The following EIF4ENIF1 variants were observed in gnomAD, a reference collection of about 807,000 sequenced individuals.
EIF4ENIF1 encodes eukaryotic translation initiation factor 4E nuclear import factor 1, also known as eukaryotic translation initiation factor 4E transporter.
In EIF4ENIF1, 23 loss-of-function variants were observed where a neutral mutation model predicts 110.5. That is an observed-to-expected ratio of 0.21 (90% CI 0.15 to 0.29). EIF4ENIF1 has a LOEUF of 0.29. Among genes scored for constraint, EIF4ENIF1 ranks in the 10% least tolerant of loss-of-function variants. The probability of loss-of-function intolerance (pLI) is 1.00; values close to 1 mark genes in which losing one functional copy is unlikely to be tolerated. For synonymous variants in EIF4ENIF1, 440 were observed against 437.0 expected, an observed-to-expected ratio of 1.01 and a Z score of -0.09; for missense variants, 1,031 against 1,221.1, an observed-to-expected ratio of 0.84 and a Z score of 2.32.
chr22:31,469,247 C>G (rs1365324155), intron 3 of EIF4ENIF1, among the ~76,000 whole-genome samples: 1 of 152,220 alleles, frequency 6.6e-6, no homozygotes, highest in Non-Finnish European at 1.5e-5. Context: ...TGAGCTGCAT[C>G]TTCTGCAGAA....
At chr22:31,471,401 G>A (rs140986076) in intron 3 of EIF4ENIF1, among the ~76,000 whole-genome samples, 5 of 151,116 alleles carry the variant, frequency 3.3e-5, no homozygotes, top group African/African-American at 7.3e-5. Context: ...TGCAGGCTCC[G>A]CCTCCCGAGT....
chr22:31,474,658 T>G (rs1315574621), intron 2 of EIF4ENIF1, among the ~76,000 whole-genome samples: 1 of 152,084 alleles, frequency 6.6e-6, no homozygotes, highest in East Asian at 1.9e-4. Context: ...TGAAGGCCCT[T>G]TCAGTAGAGT....
chr22:31,490,374 T>C (rs1200228910), upstream of EIF4ENIF1, among the ~76,000 whole-genome samples: 2 of 152,244 alleles, frequency 1.3e-5, no homozygotes, highest in African/African-American at 4.8e-5. Flanking sequence ...GAACCTCAGC[T>C]GTTTTGCGAG....
chr22:31,456,288 A>G (rs1479810736), intron 7 of EIF4ENIF1, among the ~76,000 whole-genome samples: 3 of 147,600 alleles, frequency 2.0e-5, no homozygotes, highest in Middle Eastern at 3.5e-3. Flanking sequence ...CAGTGGCACG[A>G]TCTCGGCTCA....
At chr22:31,456,534 T>A (rs1601592212) in intron 7 of EIF4ENIF1, among the ~76,000 whole-genome samples, 1 of 150,134 alleles carries the variant, frequency 6.7e-6, no homozygotes. Flanking sequence ...ACTATTTTTT[T>A]AAGACAGTCT....
At chr22:31,455,764 A>G (rs1461620657) in intron 8 of EIF4ENIF1, 88 bp downstream of exon 8, 2 of 1,550,294 alleles carry the variant, frequency 1.3e-6, no homozygotes, top group Non-Finnish European at 1.8e-6. Flanking sequence ...TTTGACCCTA[A>G]TTGACTCCTG....
intron 16 of EIF4ENIF1, 22 bp downstream of exon 16, chr22:31,442,940 G>T: frequency 6.2e-7 from 1 of 1,613,010 alleles, no homozygotes; most frequent in Non-Finnish European, 8.5e-7. Flanking sequence ...CTTGAGCAGT[G>T]CCCTTAACAG....
At chr22:31,469,011 C>A (rs2051280389) in intron 3 of EIF4ENIF1, among the ~76,000 whole-genome samples, 1 of 152,186 alleles carries the variant, frequency 6.6e-6, no homozygotes, top group Non-Finnish European at 1.5e-5. Context: ...GCACCTGGAT[C>A]ATTTGATGTG....
intron 11 of EIF4ENIF1, 142 bp downstream of exon 11, chr22:31,450,147 T>G (rs2050600785): frequency 1.5e-6 from 1 of 689,008 alleles, no homozygotes; most frequent in African/African-American, 1.8e-5. Context: ...AACACCAAAC[T>G]ATGTCAGGCA....
Position 31,445,054 on chromosome 22 carries a change from T to C in EIF4ENIF1, c.1989-364A>G, listed in dbSNP as rs117747631. On this transcript the variant is annotated intron_variant, in intron 14 of 18. Transcript: ENST00000330125. ...TTCCTGGGGAAGAAGCTGCATTCCA[T>C]TGGGTGCGATCAAGAAGAAGCTAGA... is the stretch of plus-strand genomic sequence containing the variant. Among the ~76,000 whole-genome samples the C allele has an allele frequency of 6.1e-3, 934 of 152,256 alleles. 30 individuals carry two copies. In the East Asian group the frequency reaches 0.099, roughly 16 times the overall value.
upstream of EIF4ENIF1, among the ~76,000 whole-genome samples, chr22:31,492,395 A>T (rs1425662847): frequency 6.6e-6 from 1 of 152,222 alleles, no homozygotes. Context: ...CAAGCCATAC[A>T]TGATATCAGT....
chr22:31,476,846 A>G (rs1242173599), intron 2 of EIF4ENIF1, among the ~76,000 whole-genome samples: 1 of 150,892 alleles, frequency 6.6e-6, no homozygotes, highest in African/African-American at 2.4e-5. Context: ...AAACAAACAA[A>G]AAAATTAGCC....
intron 2 of EIF4ENIF1, among the ~76,000 whole-genome samples, chr22:31,485,269 C>T (rs1159334620): frequency 1.3e-5 from 2 of 152,166 alleles, no homozygotes; most frequent in African/African-American, 4.8e-5. Flanking sequence ...ACCAGTTCTT[C>T]AAGGCACATT....
At position 31,439,627 on chromosome 22, in the gene EIF4ENIF1, ATATC is replaced by A; in HGVS notation, c.*249_*252del. ...GTGAGGACACCAACACTTCATTCAC[ATATC>A]TTACAAAAAAGAAAGACCATTTCCA... On this transcript the variant is annotated 3_prime_UTR_variant, in exon 19 of 19. Transcript: ENST00000330125. 1.9e-6 allele frequency: 1 copy of A among 526,216 alleles called. No homozygotes were observed. The allele number at this position is 526,216 out of a possible 1,614,324, so 32.6% of individuals were successfully genotyped here.
At position 31,444,702 on chromosome 22, in the gene EIF4ENIF1, C is replaced by T. The variant is rs746953364; in HGVS notation, c.1989-12G>A. On this transcript the variant is annotated splice_polypyrimidine_tract_variant and intron_variant, in intron 14 of 18. Transcript: ENST00000330125. ...TCACTCGCTGTTGCCTGTGAACAAA[C>T]CAATTATCAGCATGAACCCCAATCT... 3.1e-6 allele frequency: 5 copies of T among 1,613,562 alleles called. No homozygotes were observed. The highest frequency in any genetic ancestry group is 2.7e-5 in the African/African-American group (2 of 74,876).
At chr22:31,456,448 C>A (rs556512766) in intron 7 of EIF4ENIF1, among the ~76,000 whole-genome samples, 3 of 152,104 alleles carry the variant, frequency 2.0e-5, no homozygotes, top group Non-Finnish European at 4.4e-5. Context: ...TGGTCTCGAT[C>A]TCCTGACCTT....
intron 4 of EIF4ENIF1, 62 bp downstream of exon 4, chr22:31,468,113 C>T: frequency 6.3e-7 from 1 of 1,579,016 alleles, no homozygotes; most frequent in Non-Finnish European, 8.6e-7. Flanking sequence ...AAGAATGAAA[C>T]CAGCAGGCAA....
chr22:31,457,142 T>C (rs1275393507), intron 7 of EIF4ENIF1, among the ~76,000 whole-genome samples: 1 of 152,184 alleles, frequency 6.6e-6, no homozygotes, highest in Non-Finnish European at 1.5e-5. Flanking sequence ...AAAAGTATGA[T>C]TGTGGAAGAT....
rs374635804 is a variant in EIF4ENIF1, at chr22:31,441,761, G to T, written c.2551+13C>A. On this transcript the variant is annotated intron_variant, in intron 17 of 18. Coordinates refer to ENST00000330125, the MANE Select transcript of EIF4ENIF1 (RefSeq NM_019843.4). ...CACAAACTGACGACACCCAAGTCAG[G>T]CTGGAAACTCACCAGTTTGGAGCAA... is the stretch of plus-strand genomic sequence containing the variant. 6 of 1,599,482 alleles carry T rather than the reference G, an allele frequency of 3.8e-6. No homozygotes were observed. Among genetic ancestry groups the T allele is most frequent in the Non-Finnish European group, 5.1e-6 (6 of 1,170,762 alleles).
Sources: gnomAD v4.1 joint callset for allele counts (sites outside exome capture counted in the v4.1 genomes callset) on GRCh38, gnomAD v4.1.1 for gene constraint, MANE v1.5 for transcripts, NCBI Gene and HGNC (gene_info 2026-07-23, HGNC 2026-07-21) for gene names.